Variants in NTM observed in about 807,000 individuals in gnomAD.
The protein encoded by NTM is neurotrimin.
Under a neutral mutation model 42.1 loss-of-function variants are expected in NTM, and 13 were observed. That is an observed-to-expected ratio of 0.31 (90% confidence interval 0.20 to 0.49). NTM has a LOEUF of 0.49. Among genes scored for constraint, NTM ranks in the 20% least tolerant of loss-of-function variants. The probability of loss-of-function intolerance (pLI) is 0.99; values close to 1 mark genes in which losing one functional copy is unlikely to be tolerated. For missense variants in NTM, 373 were observed against 452.8 expected (o/e 0.82, Z 1.60); for synonymous variants, 187 against 179.2 (o/e 1.04, Z -0.35).
At chr11:131,607,205 A>T (rs1592206186) in intron 1 of NTM, among the ~76,000 whole-genome samples, 1 of 152,186 alleles carries the variant, frequency 6.6e-6, no homozygotes, top group Non-Finnish European at 1.5e-5. Flanking sequence ...TGGAGATTTT[A>T]TGAAATGGTG....
At chr11:131,871,588 T>C (rs916136008) in intron 1 of NTM, among the ~76,000 whole-genome samples, 4 of 152,242 alleles carry the variant, frequency 2.6e-5, no homozygotes, top group African/African-American at 9.6e-5. Context: ...TATTAATTGA[T>C]TTCTATAAGC....
chr11:132,116,871 G>A (rs887244866), intron 2 of NTM, among the ~76,000 whole-genome samples: 1 of 152,178 alleles, frequency 6.6e-6, no homozygotes, highest in Non-Finnish European at 1.5e-5. Flanking sequence ...AAAATAATAT[G>A]AGTGAATGAA....
chr11:132,177,102 G>A (rs78057553), intron 3 of NTM, among the ~76,000 whole-genome samples: 2,667 of 152,198 alleles, frequency 0.018, 81 homozygotes, highest in African/African-American at 0.06. Context: ...GGAGAATGCT[G>A]GATTGCATGG....
intron 2 of NTM, among the ~76,000 whole-genome samples, chr11:132,059,941 C>A (rs10894491): frequency 0.67 from 102,314 of 151,882 alleles, 35,912 homozygotes; most frequent in African/African-American, 0.85. Flanking sequence ...CTCCTGCAGC[C>A]TTTTGAGGGA....
intron 2 of NTM, among the ~76,000 whole-genome samples, chr11:131,946,194 G>A (rs1857005033): frequency 6.6e-6 from 1 of 152,046 alleles, no homozygotes; most frequent in African/African-American, 2.4e-5. Context: ...ACTCGCGGGA[G>A]ACTGGGAGAT....
chr11:131,810,061 A>T (rs2092675876), intron 1 of NTM, among the ~76,000 whole-genome samples: 2 of 152,098 alleles, frequency 1.3e-5, no homozygotes, highest in South Asian at 4.1e-4. Flanking sequence ...CCTCACTCAT[A>T]ATCTCTACAG....
chr11:131,618,007 C>G (rs908219173), intron 1 of NTM, among the ~76,000 whole-genome samples: 14 of 152,124 alleles, frequency 9.2e-5, no homozygotes, highest in African/African-American at 3.4e-4. Flanking sequence ...TGGGCTACAG[C>G]CTTTGGGATG....
At chr11:132,292,799 A>C (rs939704835) in intron 4 of NTM, among the ~76,000 whole-genome samples, 23 of 150,900 alleles carry the variant, frequency 1.5e-4, no homozygotes, top group African/African-American at 5.1e-4. Flanking sequence ...AAAAAAAAAA[A>C]AAAAAAAAAA....
intron 1 of NTM, among the ~76,000 whole-genome samples, chr11:131,419,568 C>T (rs1367088337): frequency 6.6e-6 from 1 of 151,946 alleles, no homozygotes; most frequent in Non-Finnish European, 1.5e-5. Flanking sequence ...AATAGCTCAG[C>T]ATGTTTCAAG....
intron 1 of NTM, among the ~76,000 whole-genome samples, chr11:131,462,797 C>A (rs1399757205): frequency 6.6e-6 from 1 of 151,680 alleles, no homozygotes; most frequent in Non-Finnish European, 1.5e-5. Flanking sequence ...TGGTCCACCA[C>A]CTTCTCCCTA....
At chr11:131,494,745 T>G (rs2136317264) in intron 1 of NTM, among the ~76,000 whole-genome samples, 1 of 152,372 alleles carries the variant, frequency 6.6e-6, no homozygotes, top group South Asian at 2.1e-4. Flanking sequence ...GCTAGCCAAC[T>G]TGACCTGAGT....
intron 4 of NTM, among the ~76,000 whole-genome samples, chr11:132,264,780 C>A (rs2093078548): frequency 6.6e-6 from 1 of 152,146 alleles, no homozygotes; most frequent in South Asian, 2.1e-4. Flanking sequence ...TTACCCAGGC[C>A]TTGCAATGTT....
intron 1 of NTM, among the ~76,000 whole-genome samples, chr11:131,699,288 T>C (rs1344847661): frequency 6.6e-6 from 1 of 152,216 alleles, no homozygotes; most frequent in Non-Finnish European, 1.5e-5. Context: ...TGAGTTTTTG[T>C]CCACCTACAA....
chr11:132,153,973 A>C (rs1182667651), intron 3 of NTM, among the ~76,000 whole-genome samples: 2 of 152,248 alleles, frequency 1.3e-5, no homozygotes, highest in African/African-American at 2.4e-5. Flanking sequence ...AATGGGCAGT[A>C]GAGTTTTTTA....
At chr11:131,807,550 A>G (rs2092560454) in intron 1 of NTM, among the ~76,000 whole-genome samples, 1 of 152,224 alleles carries the variant, frequency 6.6e-6, no homozygotes. Context: ...TGGTTTCATC[A>G]TCAGCACAAT....
intron 1 of NTM, among the ~76,000 whole-genome samples, chr11:131,766,792 A>G (rs1359015506): frequency 1.3e-5 from 2 of 152,080 alleles, no homozygotes; most frequent in African/African-American, 2.4e-5. Context: ...TTCCTTTTCA[A>G]TCAGATTCTC....
At chr11:131,606,105 G>A (rs1391428547) in intron 1 of NTM, among the ~76,000 whole-genome samples, 3 of 152,092 alleles carry the variant, frequency 2.0e-5, no homozygotes, top group African/African-American at 4.8e-5. Flanking sequence ...GTGCAGTGGT[G>A]CCATCGCAGT....
At chr11:131,567,875 A>G (rs1256505545) in intron 1 of NTM, among the ~76,000 whole-genome samples, 1 of 152,230 alleles carries the variant, frequency 6.6e-6, no homozygotes, top group Admixed American at 6.5e-5. Context: ...AGGGACCCAA[A>G]TTCTTACAGA....
At chr11:131,631,011 A>T (rs1311856456) in intron 1 of NTM, among the ~76,000 whole-genome samples, 1 of 152,326 alleles carries the variant, frequency 6.6e-6, no homozygotes, top group South Asian at 2.1e-4. Context: ...CCAGCTTTTC[A>T]TTACCATCCA....
Sources: allele counts gnomAD v4.1 joint callset (sites outside exome capture counted in the v4.1 genomes callset), GRCh38; gene constraint gnomAD v4.1.1; transcripts MANE v1.5; gene names NCBI Gene and HGNC (gene_info 2026-07-23, HGNC 2026-07-21).